SLC12A1: variants seen among roughly 807,000 people sequenced by gnomAD.
The protein encoded by SLC12A1 is solute carrier family 12 member 1.
SLC12A1 carries 89 observed loss-of-function variants against 130.4 expected under a neutral mutation model. That is an observed-to-expected ratio of 0.68 (90% CI 0.58 to 0.81). SLC12A1 has a LOEUF of 0.81. SLC12A1 is among the 40% of genes least tolerant of loss of function. The pLI, the probability that SLC12A1 is intolerant of heterozygous loss-of-function variation, is 0.00. For missense variants in SLC12A1, 1,310 were observed against 1,336.4 expected (o/e 0.98, Z 0.31); for synonymous variants, 499 against 460.0 (o/e 1.08, Z -1.09).
intron 3 of SLC12A1, 70 bp from the exon 4 acceptor site, chr15:48,220,851 T>TA (rs1434229751): frequency 3.8e-5 from 61 of 1,609,492 alleles, no homozygotes; most frequent in Non-Finnish European, 4.9e-5. Context: ...GGCACAGCTT[T>TA]ATGAAGAGCC....
chr15:48,235,020 T>C lies in SLC12A1; in HGVS notation c.1215+16T>C, dbSNP rs1318661076. 6.2e-7 allele frequency: 1 copy of C among 1,613,358 alleles called. No homozygotes were observed. Among genetic ancestry groups the C allele is most frequent in the Non-Finnish European group, 8.5e-7 (1 of 1,179,686 alleles). ...AGATTTGGAGGTACGTTGTTTGCTCTGCTTTGCAGTCCTGGGAGTGGTGGT... is the reference window on the plus strand; with the variant it reads ...AGATTTGGAGGTACGTTGTTTGCTCCGCTTTGCAGTCCTGGGAGTGGTGGT... On this transcript the variant is annotated intron_variant, in intron 9 of 26. Coordinates refer to ENST00000380993, the MANE Select transcript of SLC12A1 (RefSeq NM_000338.3).
At chr15:48,265,854 A>T (rs1334808963) in intron 17 of SLC12A1, among the ~76,000 whole-genome samples, 1 of 152,196 alleles carries the variant, frequency 6.6e-6, no homozygotes, top group African/African-American at 2.4e-5. Context: ...GTAATTTAAA[A>T]TTTTCTAGTA....
At chr15:48,231,566 C>G (rs1428325803) in intron 7 of SLC12A1, among the ~76,000 whole-genome samples, 1 of 152,100 alleles carries the variant, frequency 6.6e-6, no homozygotes. Context: ...TATTTAACCT[C>G]TCGGTGCTTC....
At chr15:48,301,265 T>G in intron 25 of SLC12A1, 50 bp from the exon 26 acceptor site, 1 of 1,201,186 alleles carries the variant, frequency 8.3e-7, no homozygotes, top group Non-Finnish European at 1.2e-6. Context: ...TAAATTCTCA[T>G]TCATAATTCT....
intron 17 of SLC12A1, among the ~76,000 whole-genome samples, chr15:48,260,344 TCTATCACA>T (rs1413767403): frequency 2.6e-5 from 2 of 77,726 alleles, no homozygotes; most frequent in African/African-American, 1.0e-4. Flanking sequence ...TCTCTCTCTC[TCTATCACA>T]CACACACACA....
chr15:48,272,509 C>T (rs2041908602), intron 19 of SLC12A1, among the ~76,000 whole-genome samples: 1 of 152,138 alleles, frequency 6.6e-6, no homozygotes. Context: ...TCACTGCAAC[C>T]TCCAGCTCCC....
intron 9 of SLC12A1, among the ~76,000 whole-genome samples, chr15:48,237,939 A>G (rs532786078): frequency 6.6e-6 from 1 of 152,218 alleles, no homozygotes; most frequent in Non-Finnish European, 1.5e-5. Context: ...TAATCTGGAC[A>G]AGAGATGGCA....
At chr15:48,276,328 G>A (rs1456158543) in intron 20 of SLC12A1, among the ~76,000 whole-genome samples, 3 of 152,142 alleles carry the variant, frequency 2.0e-5, no homozygotes, top group Non-Finnish European at 4.4e-5. Context: ...GAGATGTTAT[G>A]GGCTGAACTG....
intron 2 of SLC12A1, among the ~76,000 whole-genome samples, chr15:48,208,681 A>C (rs1204923328): frequency 6.6e-6 from 1 of 152,220 alleles, no homozygotes; most frequent in Non-Finnish European, 1.5e-5. Context: ...AATATGTTGT[A>C]CCTTGTATAT....
intron 21 of SLC12A1, among the ~76,000 whole-genome samples, chr15:48,286,290 G>A (rs538232314): frequency 6.6e-6 from 1 of 152,172 alleles, no homozygotes; most frequent in South Asian, 2.1e-4. Flanking sequence ...GGCTACTGTC[G>A]AGCTCCTGGG....
In SLC12A1 at chr15:48,208,102, G is replaced by A. The variant is rs1424125008; in HGVS notation, c.383G>A (p.Arg128Gln). 1.2e-6 allele frequency: 2 copies of A among 1,601,224 alleles called. No homozygotes were observed. The highest frequency in any genetic ancestry group is 1.7e-6 in the Non-Finnish European group (2 of 1,172,602). The change falls in exon 2 of 27, where the codon CGA becomes CAA. Residue 128 changes from arginine (R) to glutamine (Q), a missense_variant. Transcript: ENST00000380993. ...TGSISGPKVN[R>Q]PSLLEIHEQL... is the part of the protein sequence containing the mutation. Reference sequence around the variant, plus strand: ...AGCATCAGTGGGCCCAAGGTCAACCGACCCAGCCTGCTTGAGATTCACGAG... The same window carrying A: ...AGCATCAGTGGGCCCAAGGTCAACCAACCCAGCCTGCTTGAGATTCACGAG...
intron 7 of SLC12A1, among the ~76,000 whole-genome samples, chr15:48,232,402 T>C (rs189685733): frequency 2.4e-4 from 36 of 152,344 alleles, no homozygotes; most frequent in African/African-American, 8.2e-4. Flanking sequence ...CCCTCAAGTT[T>C]ATCAGTGTTA....
intron 20 of SLC12A1, among the ~76,000 whole-genome samples, chr15:48,282,469 T>C (rs757607620): frequency 1.1e-4 from 16 of 152,036 alleles, no homozygotes; most frequent in African/African-American, 1.7e-4. Flanking sequence ...TGGCTAATCA[T>C]AGGGCGCACT....
At chr15:48,267,286 T>C (rs940627441) in intron 17 of SLC12A1, among the ~76,000 whole-genome samples, 3 of 152,202 alleles carry the variant, frequency 2.0e-5, no homozygotes, top group African/African-American at 7.2e-5. Context: ...CCTTGTGTCA[T>C]GTTGCCCTCA....
rs1168983487 is a variant in SLC12A1, at chr15:48,220,735, T to C, written c.522T>C (p.Val174=). ...AENKEDDQAG[V]VKFGWVKGVL... is the part of the protein sequence containing the mutation. ...ATAAGGAAGATGATCAAGCTGGTGTTGTGAAGTTTGGATGGGTGAAAGGTG... is the reference window on the plus strand; with the variant it reads ...ATAAGGAAGATGATCAAGCTGGTGTCGTGAAGTTTGGATGGGTGAAAGGTG... Residue 174 remains valine, a synonymous_variant, in exon 3 of 27, where the codon GTT becomes GTC. Transcript: ENST00000380993. 1 of 1,613,908 alleles carries C rather than the reference T, an allele frequency of 6.2e-7. No individual in the cohort carries two copies. Among genetic ancestry groups the C allele is most frequent in the Admixed American group, 1.7e-5 (1 of 60,018 alleles).
intron 22 of SLC12A1, 107 bp from the exon 23 acceptor site, chr15:48,288,298 A>C: frequency 8.6e-7 from 1 of 1,157,638 alleles, no homozygotes; most frequent in Non-Finnish European, 1.2e-6. Flanking sequence ...TCCAAAGACT[A>C]TAACTTAATT....
chr15:48,288,357 C>G, intron 22 of SLC12A1, 48 bp from the exon 23 acceptor site: 1 of 1,138,384 alleles, frequency 8.8e-7, no homozygotes, highest in Non-Finnish European at 1.3e-6. Context: ...TATTCATTTC[C>G]TTCCATTTAG....
intron 20 of SLC12A1, among the ~76,000 whole-genome samples, chr15:48,277,701 G>T (rs1334162987): frequency 2.0e-5 from 3 of 152,130 alleles, no homozygotes; most frequent in Non-Finnish European, 2.9e-5. Flanking sequence ...ACAGAAAAAA[G>T]AATTCTTAAG....
chr15:48,234,867 T>C lies in SLC12A1; in HGVS notation c.1088-10T>C. The C allele has an allele frequency of 6.2e-7, 1 of 1,613,608 alleles. No homozygotes were observed. The highest frequency in any genetic ancestry group is 8.5e-7 in the Non-Finnish European group (1 of 1,179,542). Reference sequence around the variant, plus strand: ...TCTACATCATAATTTTCTTATAATTTATGTTGCAGCATCAATATTTGCAGA... The same window carrying C: ...TCTACATCATAATTTTCTTATAATTCATGTTGCAGCATCAATATTTGCAGA... On this transcript the variant is annotated splice_polypyrimidine_tract_variant and intron_variant, in intron 8 of 26. Coordinates refer to ENST00000380993, the MANE Select transcript of SLC12A1 (RefSeq NM_000338.3).
Sources: allele counts gnomAD v4.1 joint callset (sites outside exome capture counted in the v4.1 genomes callset), GRCh38; gene constraint gnomAD v4.1.1; transcripts MANE v1.5; gene names NCBI Gene and HGNC (gene_info 2026-07-23, HGNC 2026-07-21).